Variants in ATAD5 observed in about 807,000 individuals in gnomAD.
The protein encoded by ATAD5 is ATPase family AAA domain containing 5.
A neutral mutation model predicts 176.9 loss-of-function variants in ATAD5; 58 were observed. The observed-to-expected ratio is 0.33, with a 90% confidence interval of 0.27 to 0.41. The LOEUF (loss-of-function observed/expected upper bound fraction) is 0.41, where lower values mean the gene tolerates loss of function less well. Ranked by LOEUF, ATAD5 falls within the 10% of genes least tolerant of loss-of-function variation. The pLI is 1.00. For missense variants in ATAD5, 1,789 were observed against 2,094.1 expected (o/e 0.85, Z 2.84); for synonymous variants, 640 against 712.6 (o/e 0.90, Z 1.62).
chr17:30,855,475 A>T, intron 7 of ATAD5, 148 bp downstream of exon 7: 1 of 875,506 alleles, frequency 1.1e-6, no homozygotes, highest in Non-Finnish European at 1.7e-6. Flanking sequence ...TTCTCTCACT[A>T]TCCATGGGGT....
intron 18 of ATAD5, among the ~76,000 whole-genome samples, chr17:30,883,251 A>G (rs1909128606): frequency 6.6e-6 from 1 of 151,420 alleles, no homozygotes; most frequent in Admixed American, 6.6e-5. Context: ...CAGCCTCCTG[A>G]GTAGCTAGGA....
At chr17:30,853,330 A>G (rs1253443600) in intron 6 of ATAD5, among the ~76,000 whole-genome samples, 2 of 151,832 alleles carry the variant, frequency 1.3e-5, no homozygotes, top group East Asian at 3.8e-4. Context: ...TATGTAATAT[A>G]TGATACATTA....
At chr17:30,853,887 AT>A (rs1385880522) in intron 6 of ATAD5, among the ~76,000 whole-genome samples, 1 of 151,988 alleles carries the variant, frequency 6.6e-6, no homozygotes, top group Non-Finnish European at 1.5e-5. Context: ...AAGTTCTTGT[AT>A]TAACTTTTTG....
chr17:30,876,266 C>T (rs1908670295), intron 14 of ATAD5, 108 bp from the exon 15 acceptor site: 1 of 951,196 alleles, frequency 1.1e-6, no homozygotes, highest in Non-Finnish European at 1.5e-6. Flanking sequence ...ATTTCTGTGT[C>T]TTTGATTTTT....
intron 6 of ATAD5, among the ~76,000 whole-genome samples, chr17:30,847,029 G>A (rs925783181): frequency 6.6e-6 from 1 of 151,674 alleles, no homozygotes; most frequent in Admixed American, 6.6e-5. Context: ...CACAGTTTGA[G>A]TTTTGACAAA....
chr17:30,861,760 C>CT (rs1361055404), intron 10 of ATAD5: 7 of 151,986 alleles, frequency 4.6e-5, no homozygotes, highest in Non-Finnish European at 8.8e-5. Context: ...GATCTGCCCA[C>CT]TTTGGCCTCC....
intron 18 of ATAD5, among the ~76,000 whole-genome samples, chr17:30,880,608 C>CAAA (rs199862765): frequency 1.3e-5 from 1 of 79,228 alleles, no homozygotes; most frequent in Non-Finnish European, 2.8e-5. Flanking sequence ...AACTACATCT[C>CAAA]AAAAAAAAAA....
chr17:30,857,463 G>A (rs757732849), intron 8 of ATAD5, among the ~76,000 whole-genome samples: 13 of 152,050 alleles, frequency 8.5e-5, no homozygotes, highest in Non-Finnish European at 1.5e-4. Context: ...TGATTCCCCC[G>A]CCTCGGCCTC....
Position 30,876,497 on chromosome 17 carries a change from C to A in ATAD5, c.3731C>A (p.Ser1244Tyr). The A allele has an allele frequency of 6.3e-7, 1 of 1,597,446 alleles. No individual in the cohort carries two copies. Among genetic ancestry groups the A allele is most frequent in the Non-Finnish European group, 8.6e-7 (1 of 1,167,430 alleles). Residue 1244 changes from serine to tyrosine, a missense_variant, in exon 15 of 23, where the codon TCT becomes TAT. Ser to Tyr is a moderately radical substitution (Grantham distance 144). Around this residue, in one of 6 missense-constraint regions of ATAD5, gnomAD observed 194 missense variants for 270.1 expected, o/e 0.72. Coordinates refer to ENST00000321990, the MANE Select transcript of ATAD5 (RefSeq NM_024857.5). ...ACCTTGGCAAATTATTTTAAAGTATCTCCCAAACCTAAAAATAATGAAGAA... is the reference window on the plus strand; with the variant it reads ...ACCTTGGCAAATTATTTTAAAGTATATCCCAAACCTAAAAATAATGAAGAA... ...PKTLANYFKV[S>Y]PKPKNNEEIG...
chr17:30,888,484 C>T (rs1327826898), intron 19 of ATAD5, among the ~76,000 whole-genome samples: 1 of 151,986 alleles, frequency 6.6e-6, no homozygotes, highest in African/African-American at 2.4e-5. Flanking sequence ...ATCGAGGCTG[C>T]AGTGAGCCAA....
chr17:30,867,065 T>G (rs911311949), intron 11 of ATAD5, among the ~76,000 whole-genome samples: 1 of 151,434 alleles, frequency 6.6e-6, no homozygotes, highest in Admixed American at 6.6e-5. Context: ...TCTTTTTTTT[T>G]TTTTTACTTG....
At chr17:30,879,400 T>TG (rs1407946980) in intron 17 of ATAD5, 23 bp from the exon 18 acceptor site, 48 of 1,569,534 alleles carry the variant, frequency 3.1e-5, no homozygotes, top group Admixed American at 5.4e-5. Flanking sequence ...ATTTTTTTTT[T>TG]TTGTGTGTGT....
intron 2 of ATAD5, among the ~76,000 whole-genome samples, chr17:30,836,714 C>T (rs980774112): frequency 4.6e-5 from 7 of 151,574 alleles, no homozygotes; most frequent in East Asian, 2.0e-4. Context: ...ATTACAGGTG[C>T]GTGCCACCAT....
chr17:30,869,950 TAATAAA>T, intron 14 of ATAD5: 1 of 228,384 alleles, frequency 4.4e-6, no homozygotes. Context: ...TCTCTACAAA[TAATAAA>T]AAAAAAAAGT....
At chr17:30,871,122 G>T (rs979292662) in intron 14 of ATAD5, among the ~76,000 whole-genome samples, 2 of 134,506 alleles carry the variant, frequency 1.5e-5, no homozygotes, top group Admixed American at 1.5e-4. Context: ...TTTCAGTTTG[G>T]TTAGTTGTTA....
At chr17:30,861,312 CT>C (rs1189796712) in intron 10 of ATAD5, among the ~76,000 whole-genome samples, 7 of 151,298 alleles carry the variant, frequency 4.6e-5, no homozygotes, top group Non-Finnish European at 1.0e-4. Context: ...CGAGTTTTTC[CT>C]TCTAGTCCTA....
chr17:30,863,039 GA>G (rs1043162906), intron 10 of ATAD5: 10 of 150,458 alleles, frequency 6.6e-5, no homozygotes, highest in African/African-American at 1.2e-4. Context: ...AAAAAAAAAA[GA>G]AAAAAAAATT....
At position 30,835,707 on chromosome 17, in the gene ATAD5, A is replaced by C. The variant is rs1905697391; in HGVS notation, c.1626A>C (p.Glu542Asp). ...TTAACAATGAAAGTCTTGTTTATGAAGATATAGCAAATGATGACCTTCTAA... is the reference window on the plus strand; with the variant it reads ...TTAACAATGAAAGTCTTGTTTATGACGATATAGCAAATGATGACCTTCTAA... ...TLFNNESLVY[E>D]DIANDDLLKV... The change falls in exon 2 of 23, where the codon GAA (glutamate) becomes GAC (aspartate). Residue 542 changes from glutamate to aspartate, a missense_variant. By Grantham distance (45) the Glu-to-Asp change is conservative. Transcript: ENST00000321990. The C allele has an allele frequency of 6.2e-7, 1 of 1,608,684 alleles. No homozygotes were observed. The highest frequency in any genetic ancestry group is 1.1e-5 in the South Asian group (1 of 89,522).
chr17:30,832,435 G>A (rs986029863), intron 1 of ATAD5, 22 bp downstream of exon 1: 2 of 1,533,182 alleles, frequency 1.3e-6, no homozygotes, highest in African/African-American at 2.8e-5. Flanking sequence ...TCGAGGATCT[G>A]TTGAGTTCCT....
Sources: allele counts gnomAD v4.1 joint callset (sites outside exome capture counted in the v4.1 genomes callset), GRCh38; gene constraint gnomAD v4.1.1; regional missense constraint gnomAD v4.1.1; transcripts MANE v1.5; gene names NCBI Gene and HGNC (gene_info 2026-07-23, HGNC 2026-07-21).